HGFAC: variants seen among roughly 807,000 people sequenced by gnomAD.
The protein encoded by HGFAC is hepatocyte growth factor activator serine protease.
Under a neutral mutation model 70.6 loss-of-function variants are expected in HGFAC, and 76 were observed. That is an observed-to-expected ratio of 1.08 (90% CI 0.89 to 1.30). The LOEUF (loss-of-function observed/expected upper bound fraction) is 1.30, where lower values mean the gene tolerates loss of function less well. Among genes scored for constraint, HGFAC ranks in the 50% most tolerant of loss-of-function variants. The pLI is 0.00. For synonymous variants in HGFAC, 464 were observed against 405.3 expected (o/e 1.14, Z -1.74); for missense variants, 1,044 against 933.7 (o/e 1.12, Z -1.54).
rs1462861168 is a variant in HGFAC at position 3,441,972 on chromosome 4, C to G, written c.-30C>G. On this transcript the variant is annotated 5_prime_UTR_variant, in exon 1 of 14. Transcript: ENST00000382774. The surrounding 1 kb of genome is among the most constrained non-coding windows in gnomAD (Gnocchi z 6.0). ...TGCCTTGGCCGCTCTGCTCCCGCCT[C>G]CCACTGCCCCTCAGGCCAGCTCAGG... is the stretch of plus-strand genomic sequence containing the variant. 2.3e-6 allele frequency: 3 copies of G among 1,314,936 alleles called. No homozygotes were observed. Among genetic ancestry groups the G allele is most frequent in the Non-Finnish European group, 3.0e-6 (3 of 990,728 alleles). The allele number at this position is 1,314,936 out of a possible 1,614,324, so 81.5% of individuals were successfully genotyped here. A position where few individuals can be genotyped will look rare whatever the true frequency, so the allele number is the denominator to read the frequency against.
chr4:3,444,957 C>T lies in HGFAC; in HGVS notation c.980C>T (p.Ala327Val), dbSNP rs536476839. The T allele has an allele frequency of 5.6e-5, 90 of 1,605,782 alleles. No individual in the cohort carries two copies. In the Admixed American group the frequency reaches 1.1e-3, roughly 20 times the overall value. ...QELHVDSVGA[A>V]ALLGLGPHAY... ...CTGCACGTGGACTCCGTGGGCGCCG[C>T]GGCCCTGCTGGGCCTGGGCCCCCAT... The change falls in exon 8 of 14, where the codon GCG (alanine) becomes GTG (valine). Residue 327 changes from alanine (A) to valine (V), a missense_variant. Physicochemically the swap from Ala to Val is moderately conservative, Grantham distance 64. Transcript: ENST00000382774.
chr4:3,443,774 C>T (rs564760570), intron 4 of HGFAC, among the ~76,000 whole-genome samples: 11 of 152,198 alleles, frequency 7.2e-5, no homozygotes, highest in Admixed American at 7.2e-4. Context: ...GAGGGGTCTG[C>T]TGCCTGACAG....
chr4:3,445,092 C>T (rs1031834455), intron 8 of HGFAC, 99 bp downstream of exon 8: 12 of 1,389,250 alleles, frequency 8.6e-6, no homozygotes, highest in Middle Eastern at 2.6e-4. Context: ...GGGGCCAGCT[C>T]CGTCCAGACA....
In HGFAC at chr4:3,444,046, G is replaced by C; in HGVS notation, c.483G>C (p.Leu161=). The change falls in exon 5 of 14, where the codon CTG becomes CTC. Residue 161 remains leucine, a synonymous_variant. Coordinates refer to ENST00000382774, the MANE Select transcript of HGFAC (RefSeq NM_001528.4). ...CCTCCCGCATGTCCCCAGCTGCCCT[G>C]GATCCCTGTGCCTCCGGCCCCTGCC... The part of the protein sequence containing the change: ...ATPPPGGPAA[L]DPCASGPCLN... The C allele has an allele frequency of 6.3e-7, 1 of 1,592,248 alleles. No individual in the cohort carries two copies. Among genetic ancestry groups the C allele is most frequent in the Non-Finnish European group, 8.5e-7 (1 of 1,170,588 alleles).
intron 6 of HGFAC, 33 bp downstream of exon 6, chr4:3,444,475 C>A: frequency 6.4e-7 from 1 of 1,557,422 alleles, no homozygotes; most frequent in Non-Finnish European, 8.7e-7. Flanking sequence ...TGCCACTGAC[C>A]CCTGACGGGT....
chr4:3,443,196 T>G, intron 3 of HGFAC, 50 bp downstream of exon 3: 2 of 1,366,634 alleles, frequency 1.5e-6, no homozygotes, highest in Non-Finnish European at 2.0e-6. Flanking sequence ...TGCCCCACGC[T>G]GCCTGCTTTT....
chr4:3,445,480 G>T lies in HGFAC; in HGVS notation c.1102+130G>T, dbSNP rs1035561743. 5 of 722,690 alleles carry T rather than the reference G, an allele frequency of 6.9e-6. No individual in the cohort carries two copies. The African/African-American group carries it at 6.9e-5, about 10-fold the overall frequency. 44.8% of individuals were successfully genotyped at this position (722,690 alleles called of 1,614,324 possible). ...CAAATGGGGAAACTGGAGCTCACGGGATCAGGCTGGTCCAAGGTCACGCAG... is the reference window on the plus strand; with the variant it reads ...CAAATGGGGAAACTGGAGCTCACGGTATCAGGCTGGTCCAAGGTCACGCAG... On this transcript the variant is annotated intron_variant, in intron 9 of 13. Coordinates refer to ENST00000382774, the MANE Select transcript of HGFAC (RefSeq NM_001528.4).
chr4:3,441,875 C>T, upstream of HGFAC: 1 of 546,322 alleles, frequency 1.8e-6, no homozygotes, highest in Non-Finnish European at 3.1e-6. This position sits in a 1 kb window ranked among gnomAD's most constrained non-coding sequence, Gnocchi z 6.0. Flanking sequence ...TCGGGGACTT[C>T]CTCTCCGGCT....
intron 13 of HGFAC, 152 bp downstream of exon 13, chr4:3,448,428 T>C: frequency 8.4e-6 from 8 of 956,896 alleles, no homozygotes; most frequent in Non-Finnish European, 1.1e-5. Flanking sequence ...GCACACTTAC[T>C]GTCGGTGGCC....
rs1206741276 is a variant in HGFAC, at chr4:3,447,967, C to T, written c.1568C>T (p.Pro523Leu). Residue 523 changes from proline (P) to leucine (L), a missense_variant, in exon 12 of 14, where the codon CCC becomes CTC. Physicochemically the swap from Pro to Leu is moderately conservative, Grantham distance 98 (BLOSUM62 -3). Coordinates refer to ENST00000382774, the MANE Select transcript of HGFAC (RefSeq NM_001528.4). Reference sequence around the variant, plus strand: ...CAGTTCGTGCAGCCCATCTGCCTGCCCGAGCCCGGCAGCACCTTCCCCGCA... The same window carrying T: ...CAGTTCGTGCAGCCCATCTGCCTGCTCGAGCCCGGCAGCACCTTCCCCGCA... ...RSQFVQPICL[P>L]EPGSTFPAGH... 6.3e-7 allele frequency: 1 copy of T among 1,593,990 alleles called. No homozygotes were observed. The highest frequency in any genetic ancestry group is 1.1e-5 in the South Asian group (1 of 88,278).
chr4:3,444,175 C>A lies in HGFAC; in HGVS notation c.598+14C>A. 1 of 1,586,720 alleles carries A rather than the reference C, an allele frequency of 6.3e-7. No individual in the cohort carries two copies. The highest frequency in any genetic ancestry group is 8.6e-7 in the Non-Finnish European group (1 of 1,167,530). ...ACTGCGGCACAGGTGAGCTGGGCCT[C>A]GGAGGTCCGCAGGGGTCCAGGGGCC... On this transcript the variant is annotated intron_variant, in intron 5 of 13. Coordinates refer to ENST00000382774, the MANE Select transcript of HGFAC (RefSeq NM_001528.4).
chr4:3,449,429 G>A lies in HGFAC; in HGVS notation c.*10G>A, dbSNP rs773548081. 6.1e-5 allele frequency: 93 copies of A among 1,521,910 alleles called. No individual in the cohort carries two copies. Among genetic ancestry groups the A allele is most frequent in the Non-Finnish European group, 8.1e-5 (92 of 1,132,732 alleles). The allele number at this position is 1,521,910 out of a possible 1,614,324, so 94.3% of individuals were successfully genotyped here. A position where few individuals can be genotyped will look rare whatever the true frequency, so the allele number is the denominator to read the frequency against. ...TGTGGCTCCCTCCTGACCCTCCAGC[G>A]GGACACCCTGGTTCCCACCATTCCC... On this transcript the variant is annotated 3_prime_UTR_variant, in exon 14 of 14. Coordinates refer to ENST00000382774, the MANE Select transcript of HGFAC (RefSeq NM_001528.4).
rs374410359 is a variant in HGFAC at position 3,444,738 on chromosome 4, G to A, written c.841+5G>A. The A allele has an allele frequency of 2.1e-4, 336 of 1,587,756 alleles. No individual in the cohort carries two copies. Among genetic ancestry groups the A allele is most frequent in the Non-Finnish European group, 2.8e-4 (326 of 1,172,294 alleles). On this transcript the variant is annotated splice_donor_5th_base_variant and intron_variant, in intron 7 of 13. Transcript: ENST00000382774. ...CTGGACGGCTCTGCAACATCGGTGA[G>A]TGGGTCAGCCCCCCGGGGTGCCCTG...
At position 3,443,086 on chromosome 4, in the gene HGFAC, TC is replaced by T; in HGVS notation, c.337del (p.Arg113AlafsTer134). On this transcript the variant is annotated frameshift_variant, in exon 3 of 14. Transcript: ENST00000382774. LOFTEE classifies it high-confidence loss of function. The part of the protein sequence containing the change: ...TEDGRPCRFP[F>X]RYGGRMLHAC... ...GACGGGAGGCCCTGCAGGTTCCCCT[TC>T]CGCTACGGGGGCCGCATGCTGCATG... 3 of 1,599,156 alleles carry T rather than the reference TC, an allele frequency of 1.9e-6. No homozygotes were observed. Among genetic ancestry groups the T allele is most frequent in the East Asian group, 2.2e-5 (1 of 44,752 alleles).
intron 1 of HGFAC, 93 bp downstream of exon 1, chr4:3,442,211 G>A (rs748679502): frequency 7.6e-5 from 73 of 964,628 alleles, no homozygotes; most frequent in Non-Finnish European, 1.0e-4. Context: ...GCCACAGAGC[G>A]TGGGGATTTG....
At chr4:3,445,846 C>T (rs766391369) in intron 9 of HGFAC, 196 bp from the exon 10 acceptor site, 114 of 1,529,882 alleles carry the variant, frequency 7.5e-5, no homozygotes, top group Non-Finnish European at 9.4e-5. Flanking sequence ...CACAGAGCCT[C>T]GGGATCGGGC....
In HGFAC at chr4:3,444,031, G is replaced by C; in HGVS notation, c.476-8G>C. The stretch of plus-strand genomic sequence containing the variant: ...CCGCCCCTCACACCCCCTCCCGCAT[G>C]TCCCCAGCTGCCCTGGATCCCTGTG... On this transcript the variant is annotated splice_polypyrimidine_tract_variant and splice_region_variant and intron_variant, in intron 4 of 13. Transcript: ENST00000382774. 6.3e-7 allele frequency: 1 copy of C among 1,579,902 alleles called. No homozygotes were observed. The highest frequency in any genetic ancestry group is 8.6e-7 in the Non-Finnish European group (1 of 1,166,992).
intron 1 of HGFAC, 77 bp from the exon 2 acceptor site, chr4:3,442,655 A>T: frequency 9.1e-7 from 1 of 1,097,002 alleles, no homozygotes; most frequent in Non-Finnish European, 1.2e-6. Flanking sequence ...AAACAGGCTC[A>T]GGGCTGTGAC....
rs771154468 is a variant in HGFAC at position 3,447,482 on chromosome 4, C to A, written c.1356-10C>A. 1.9e-6 allele frequency: 3 copies of A among 1,612,282 alleles called. No homozygotes were observed. Among genetic ancestry groups the A allele is most frequent in the East Asian group, 2.2e-5 (1 of 44,868 alleles). On this transcript the variant is annotated splice_polypyrimidine_tract_variant and intron_variant, in intron 10 of 13. Coordinates refer to ENST00000382774, the MANE Select transcript of HGFAC (RefSeq NM_001528.4). ...GCTGGTCCATGCAGCCTCCAGCCCC[C>A]CTTGCACAGCCCCCCCAGGGACAGC...
Sources: gnomAD v4.1 joint callset for allele counts (sites outside exome capture counted in the v4.1 genomes callset) on GRCh38, gnomAD v4.1.1 for gene constraint, Gnocchi (gnomAD v3.1) non-coding constraint, MANE v1.5 for transcripts, NCBI Gene and HGNC (gene_info 2026-07-23, HGNC 2026-07-21) for gene names.